CFAP299: variants seen among roughly 807,000 people sequenced by gnomAD.
CFAP299 encodes cilia and flagella associated protein 299, also known as cilia- and flagella-associated protein 299.
A neutral mutation model predicts 27.0 loss-of-function variants in CFAP299; 21 were observed. The observed-to-expected ratio is 0.78, with a 90% CI of 0.55 to 1.12. The LOEUF is 1.12. Among genes scored for constraint, CFAP299 ranks in the 50% most tolerant of loss-of-function variants. The pLI is 0.00. For synonymous variants in CFAP299, 104 were observed against 98.1 expected (o/e 1.06, Z -0.36); for missense variants, 310 against 276.6 (o/e 1.12, Z -0.86).
chr4:80,673,476 T>G (rs1418250449), intron 3 of CFAP299, among the ~76,000 whole-genome samples: 2 of 151,952 alleles, frequency 1.3e-5, no homozygotes, highest in South Asian at 2.1e-4. Context: ...CTGAGAAGAA[T>G]ATATATTCTG....
chr4:80,555,483 T>C (rs1432008122), intron 2 of CFAP299, among the ~76,000 whole-genome samples: 1 of 152,024 alleles, frequency 6.6e-6, no homozygotes, highest in Non-Finnish European at 1.5e-5. Flanking sequence ...CTCTGCAAGG[T>C]TTTGGTATCA....
chr4:80,681,628 G>C (rs1432804292), intron 3 of CFAP299, among the ~76,000 whole-genome samples: 1 of 152,004 alleles, frequency 6.6e-6, no homozygotes, highest in African/African-American at 2.4e-5. Flanking sequence ...TTTCTAAAGT[G>C]TTAAAAGAAA....
At chr4:80,824,188 T>G (rs1729858120) in intron 3 of CFAP299, among the ~76,000 whole-genome samples, 1 of 152,180 alleles carries the variant, frequency 6.6e-6, no homozygotes, top group African/African-American at 2.4e-5. Context: ...ATGAATACTT[T>G]GGAACTTTTA....
chr4:80,926,265 G>A lies in CFAP299; in HGVS notation c.477-18545G>A, dbSNP rs553270860. On this transcript the variant is annotated intron_variant, in intron 4 of 5. Coordinates refer to ENST00000358105, the MANE Select transcript of CFAP299 (RefSeq NM_152770.3). ...ACTAGAGAGATGGCTTCCAGGTTTG[G>A]AGGAGTTTGTGTGCTAAGCTACAGA... 2.6e-5 allele frequency among the ~76,000 whole-genome samples: 4 copies of A among 152,166 alleles called. No individual in the cohort carries two copies. In the South Asian group the frequency reaches 8.3e-4, roughly 32 times the overall value.
At chr4:80,600,944 T>C (rs1485095362) in intron 3 of CFAP299, among the ~76,000 whole-genome samples, 2 of 152,154 alleles carry the variant, frequency 1.3e-5, no homozygotes, top group Admixed American at 6.6e-5. Context: ...ATCCACCTGA[T>C]GGATTATAGA....
intron 3 of CFAP299, among the ~76,000 whole-genome samples, chr4:80,809,287 T>C (rs1184675516): frequency 2.0e-5 from 3 of 152,156 alleles, no homozygotes; most frequent in Non-Finnish European, 4.4e-5. Flanking sequence ...ATTTTGTTGA[T>C]AGCGTATTAT....
At chr4:80,527,119 C>G (rs1733230176) in intron 2 of CFAP299, among the ~76,000 whole-genome samples, 1 of 152,094 alleles carries the variant, frequency 6.6e-6, no homozygotes, top group Admixed American at 6.6e-5. Context: ...TAAGCATATT[C>G]AAGAAATGTT....
chr4:80,798,540 C>A (rs1728004310), intron 3 of CFAP299, among the ~76,000 whole-genome samples: 1 of 152,108 alleles, frequency 6.6e-6, no homozygotes, highest in Non-Finnish European at 1.5e-5. Flanking sequence ...GCTGTGCATG[C>A]ACCTTTCATT....
chr4:80,376,249 T>C (rs1415722035), intron 2 of CFAP299, among the ~76,000 whole-genome samples: 1 of 152,234 alleles, frequency 6.6e-6, no homozygotes, highest in Non-Finnish European at 1.5e-5. Flanking sequence ...AGAGTTTGCT[T>C]TTTTATTGTT....
At chr4:80,533,711 G>A (rs1409304940) in intron 2 of CFAP299, among the ~76,000 whole-genome samples, 1 of 152,074 alleles carries the variant, frequency 6.6e-6, no homozygotes, top group Non-Finnish European at 1.5e-5. Flanking sequence ...GCCTTTTAAT[G>A]CAAATCAATT....
intron 2 of CFAP299, among the ~76,000 whole-genome samples, chr4:80,526,503 GT>G (rs895678432): frequency 2.2e-4 from 34 of 151,982 alleles, no homozygotes; most frequent in Middle Eastern, 3.2e-3. Context: ...CATCTTCGAT[GT>G]TTTTTTCTTA....
intron 5 of CFAP299, among the ~76,000 whole-genome samples, chr4:80,946,149 T>C (rs1485828877): frequency 6.7e-6 from 1 of 150,272 alleles, no homozygotes; most frequent in African/African-American, 2.4e-5. Flanking sequence ...TTAATGACCA[T>C]AATTCTGTAA....
At chr4:80,710,098 G>T (rs76509285) in intron 3 of CFAP299, among the ~76,000 whole-genome samples, 1,632 of 152,210 alleles carry the variant, frequency 0.011, 33 homozygotes, top group African/African-American at 0.035. Context: ...GAGGTTCAAA[G>T]GGGGAAGAAG....
intron 2 of CFAP299, among the ~76,000 whole-genome samples, chr4:80,558,352 T>C (rs1734875534): frequency 6.9e-6 from 1 of 144,832 alleles, no homozygotes; most frequent in Non-Finnish European, 1.5e-5. Context: ...TTTTGTTTGT[T>C]TGTTTGTTTG....
chr4:80,556,339 G>GT (rs1323810459), intron 2 of CFAP299, among the ~76,000 whole-genome samples: 1 of 151,948 alleles, frequency 6.6e-6, no homozygotes, highest in Non-Finnish European at 1.5e-5. Flanking sequence ...GATGACAAAA[G>GT]TCTTAAGACA....
At chr4:80,575,267 C>T (rs1735795135) in intron 2 of CFAP299, among the ~76,000 whole-genome samples, 1 of 151,900 alleles carries the variant, frequency 6.6e-6, no homozygotes, top group African/African-American at 2.4e-5. Flanking sequence ...TCATAGTAGC[C>T]TCTAATAATC....
intron 3 of CFAP299, among the ~76,000 whole-genome samples, chr4:80,626,161 A>G (rs1313464380): frequency 6.6e-6 from 1 of 152,028 alleles, no homozygotes; most frequent in African/African-American, 2.4e-5. Flanking sequence ...AGTCTTAACA[A>G]ATTTATGAAG....
intron 3 of CFAP299, among the ~76,000 whole-genome samples, chr4:80,627,356 G>A (rs1738963955): frequency 6.6e-6 from 1 of 151,852 alleles, no homozygotes; most frequent in Non-Finnish European, 1.5e-5. Context: ...CAACACAATT[G>A]AAGCTATATA....
chr4:80,717,415 C>A (rs1295414126), intron 3 of CFAP299, among the ~76,000 whole-genome samples: 1 of 152,118 alleles, frequency 6.6e-6, no homozygotes, highest in Admixed American at 6.6e-5. Context: ...TTGAGATATA[C>A]AAAGTCATAT....
Sources: allele counts gnomAD v4.1 joint callset (sites outside exome capture counted in the v4.1 genomes callset), GRCh38; gene constraint gnomAD v4.1.1; transcripts MANE v1.5; gene names NCBI Gene and HGNC (gene_info 2026-07-23, HGNC 2026-07-21).